The following EXD3 variants were observed in gnomAD, a reference collection of about 807,000 sequenced individuals.
EXD3 encodes the protein exonuclease mut-7 homolog.
Under a neutral mutation model 98.0 loss-of-function variants are expected in EXD3, and 92 were observed. That is an observed-to-expected ratio of 0.94 (90% CI 0.79 to 1.12). The LOEUF (loss-of-function observed/expected upper bound fraction) is 1.12, where lower values mean the gene tolerates loss of function less well. Among genes scored for constraint, EXD3 ranks in the 50% most tolerant of loss-of-function variants. EXD3 has a pLI of 0.00. For missense variants in EXD3, 1,222 were observed against 1,191.6 expected, an observed-to-expected ratio of 1.03 and a Z score of -0.38; for synonymous variants, 569 against 526.0, an observed-to-expected ratio of 1.08 and a Z score of -1.12.
In EXD3 at chr9:137,366,683, C is replaced by T. The variant is rs879017624; in HGVS notation, c.517-51G>A. ...ACAGCCTCCGCCACCTCAGCCAAAA[C>T]CTGACTCACCTCCAACCCAGAGGGA... On this transcript the variant is annotated intron_variant, in intron 6 of 21. Coordinates refer to ENST00000340951, the MANE Select transcript of EXD3 (RefSeq NM_017820.5). 1.0e-5 allele frequency: 16 copies of T among 1,525,978 alleles called. No homozygotes were observed. The South Asian group carries it at 2.0e-4, about 19-fold the overall frequency. 94.5% of individuals were successfully genotyped at this position (1,525,978 alleles called of 1,614,324 possible). A position where few individuals can be genotyped will look rare whatever the true frequency, so the allele number is the denominator to read the frequency against.
chr9:137,378,904 G>A, intron 3 of EXD3, among the ~76,000 whole-genome samples: 1 of 148,754 alleles, frequency 6.7e-6, no homozygotes, highest in South Asian at 2.1e-4. Flanking sequence ...CGTTGCCTGG[G>A]GCCGAGGGGA....
At chr9:137,410,304 G>A (rs1213635786) in intron 1 of EXD3, among the ~76,000 whole-genome samples, 1 of 151,962 alleles carries the variant, frequency 6.6e-6, no homozygotes, top group Non-Finnish European at 1.5e-5. Flanking sequence ...GGCCAACATG[G>A]TGAAATCCCG....
chr9:137,330,099 C>CCACAGGAGCTACACAGGAGCTA (rs760575220), intron 17 of EXD3, among the ~76,000 whole-genome samples: 1 of 92,070 alleles, frequency 1.1e-5, no homozygotes, highest in Non-Finnish European at 2.1e-5. Flanking sequence ...ACACAGGGCT[C>CCACAGGAGCTACACAGGAGCTA]CACAGGAGCT....
intron 19 of EXD3, among the ~76,000 whole-genome samples, chr9:137,318,421 C>T (rs532658486): frequency 1.8e-4 from 27 of 152,256 alleles, no homozygotes; most frequent in South Asian, 4.1e-4. Flanking sequence ...AAGGGGCTGA[C>T]GCCACTGTTT....
chr9:137,327,245 T>C (rs1832465651), intron 17 of EXD3, among the ~76,000 whole-genome samples: 1 of 151,360 alleles, frequency 6.6e-6, no homozygotes, highest in South Asian at 2.1e-4. Context: ...GCCATTCTCC[T>C]GCCTCAGCCT....
At position 137,349,835 on chromosome 9, in the gene EXD3, T is replaced by A. The variant is rs1834164293; in HGVS notation, c.1495-304A>T. Among the ~76,000 whole-genome samples the A allele has an allele frequency of 6.6e-6, 1 of 152,038 alleles. No individual in the cohort carries two copies. Reference sequence around the variant, plus strand: ...CGGGCCCTGAGTCTGTGTGGCCAGCTCTCTGTCTCTGTTTTATCTTCAGAA... The same window carrying A: ...CGGGCCCTGAGTCTGTGTGGCCAGCACTCTGTCTCTGTTTTATCTTCAGAA... On this transcript the variant is annotated intron_variant, in intron 14 of 21. Coordinates refer to ENST00000340951, the MANE Select transcript of EXD3 (RefSeq NM_017820.5). This position sits in a 1 kb window ranked among gnomAD's most constrained non-coding sequence, Gnocchi z 7.4.
intron 1 of EXD3, among the ~76,000 whole-genome samples, chr9:137,399,846 T>TG (rs1458571484): frequency 6.6e-6 from 1 of 152,018 alleles, no homozygotes; most frequent in East Asian, 1.9e-4. Context: ...ATGACCAGCC[T>TG]GCCAACATGG....
chr9:137,328,994 T>G (rs1238078996), intron 17 of EXD3, among the ~76,000 whole-genome samples: 1 of 26,914 alleles, frequency 3.7e-5, no homozygotes, highest in Admixed American at 3.6e-4. Flanking sequence ...TACACGGGGC[T>G]ACACGGGGCT....
Position 137,403,129 on chromosome 9 carries a change from G to A in EXD3, c.-47-7725C>T, listed in dbSNP as rs1188965799. 1.3e-5 allele frequency among the ~76,000 whole-genome samples: 2 copies of A among 151,944 alleles called. No individual in the cohort carries two copies. The highest frequency in any genetic ancestry group is 4.8e-5 in the African/African-American group (2 of 41,388). On this transcript the variant is annotated intron_variant, in intron 1 of 21. Transcript: ENST00000340951. This position sits in a 1 kb window ranked among gnomAD's most constrained non-coding sequence, Gnocchi z 6.1. Reference sequence around the variant, plus strand: ...TGTGGCTCGGCTTGGCTCATTTCCTGCAGGATCCCCGGCGCTGACCCCTCT... The same window carrying A: ...TGTGGCTCGGCTTGGCTCATTTCCTACAGGATCCCCGGCGCTGACCCCTCT...
At chr9:137,335,157 C>T (rs546749897) in intron 17 of EXD3, among the ~76,000 whole-genome samples, 4 of 151,474 alleles carry the variant, frequency 2.6e-5, no homozygotes, top group Admixed American at 6.6e-5. Context: ...ATGCATCTAA[C>T]GAAGAGGTAA....
rs1290274756 is a variant in EXD3 at position 137,354,697 on chromosome 9, A to G, written c.831+3T>C. Reference sequence around the variant, plus strand: ...CCCCCAGGACCCCCTCCTGCTCACGAACCTCCACAAACCGCTTGTGGCACA... The same window carrying G: ...CCCCCAGGACCCCCTCCTGCTCACGGACCTCCACAAACCGCTTGTGGCACA... On this transcript the variant is annotated splice_donor_region_variant and intron_variant, in intron 9 of 21. Coordinates refer to ENST00000340951, the MANE Select transcript of EXD3 (RefSeq NM_017820.5). 1 of 1,610,618 alleles carries G rather than the reference A, an allele frequency of 6.2e-7. No individual in the cohort carries two copies. Among genetic ancestry groups the G allele is most frequent in the South Asian group, 1.1e-5 (1 of 91,088 alleles).
At position 137,356,307 on chromosome 9, in the gene EXD3, G is replaced by A. The variant is rs752660672; in HGVS notation, c.718C>T (p.Gln240Ter). 1.6e-5 allele frequency: 25 copies of A among 1,604,694 alleles called. No individual in the cohort carries two copies. The highest frequency in any genetic ancestry group is 3.3e-4 in the Middle Eastern group (2 of 6,032). The change falls in exon 8 of 22, where the codon CAG becomes TAG. Residue 240 changes from glutamine to a stop codon, truncating the protein, a stop_gained. Coordinates refer to ENST00000340951, the MANE Select transcript of EXD3 (RefSeq NM_017820.5). LOFTEE classifies it high-confidence loss of function. The part of the protein sequence containing the change: ...EKLSPKALSR[Q>*]VLRLQERYGV... ...TACCGCTCCTGCAGACGCAAGACCTGCCTGCTCAGCGCCTTCGGACTCAGC... is the reference window on the plus strand; with the variant it reads ...TACCGCTCCTGCAGACGCAAGACCTACCTGCTCAGCGCCTTCGGACTCAGC...
At chr9:137,409,185 A>AGAG in intron 1 of EXD3, among the ~76,000 whole-genome samples, 1 of 152,254 alleles carries the variant, frequency 6.6e-6, no homozygotes, top group African/African-American at 2.4e-5. Context: ...TGGCTTTATA[A>AGAG]GAGGAGGAGG....
chr9:137,335,941 T>C (rs1833333404), intron 17 of EXD3, among the ~76,000 whole-genome samples: 1 of 152,122 alleles, frequency 6.6e-6, no homozygotes, highest in Non-Finnish European at 1.5e-5. Flanking sequence ...ATATATACCA[T>C]GGAATACTAC....
Position 137,366,583 on chromosome 9 carries a change from T to C in EXD3, c.566A>G (p.Tyr189Cys), listed in dbSNP as rs1835270046. Reference protein sequence around the residue: ...LQDKVALVERYVAGFPDLQRR... With the variant: ...LQDKVALVERCVAGFPDLQRR... ...CTGGAGGTCCGGGAAGCCGGCCACA[T>C]AGCGCTCCACGAGGGCCACCTTGTC... The change falls in exon 7 of 22, where the codon TAT becomes TGT. Residue 189 changes from tyrosine (Y) to cysteine (C), a missense_variant. Coordinates refer to ENST00000340951, the MANE Select transcript of EXD3 (RefSeq NM_017820.5). 1 of 1,554,242 alleles carries C rather than the reference T, an allele frequency of 6.4e-7. No individual in the cohort carries two copies. The highest frequency in any genetic ancestry group is 8.7e-7 in the Non-Finnish European group (1 of 1,149,656).
rs766204370 is a variant in EXD3 at position 137,383,302 on chromosome 9, C to T, written c.120+11G>A. On this transcript the variant is annotated intron_variant, in intron 3 of 21. Transcript: ENST00000340951. The stretch of plus-strand genomic sequence containing the variant: ...GTGACTTGGCACGTGGTGGCTGCCA[C>T]GTCCACTCACCTGCTTCCGCTCCCG... 1.3e-5 allele frequency: 20 copies of T among 1,547,868 alleles called. No homozygotes were observed. The East Asian group carries it at 2.2e-4, about 17-fold the overall frequency.
In EXD3 at chr9:137,349,350, C is replaced by T; in HGVS notation, c.1657+19G>A. ...GAGGGGCGTGAGGAGGGGTCACTCC[C>T]ACCCGCCGCACCGCACACCTGCGTA... is the stretch of plus-strand genomic sequence containing the variant. On this transcript the variant is annotated intron_variant, in intron 15 of 21. Coordinates refer to ENST00000340951, the MANE Select transcript of EXD3 (RefSeq NM_017820.5). This position sits in a 1 kb window ranked among gnomAD's most constrained non-coding sequence, Gnocchi z 7.4. 1.3e-6 allele frequency: 2 copies of T among 1,560,632 alleles called. No individual in the cohort carries two copies. The highest frequency in any genetic ancestry group is 8.6e-7 in the Non-Finnish European group (1 of 1,158,500).
At chr9:137,332,049 A>G (rs1833092256) in intron 17 of EXD3, among the ~76,000 whole-genome samples, 1 of 152,252 alleles carries the variant, frequency 6.6e-6, no homozygotes, top group Admixed American at 6.5e-5. Flanking sequence ...GAAAGACTCT[A>G]CAAGGAGAAC....
intron 3 of EXD3, among the ~76,000 whole-genome samples, chr9:137,381,590 C>G (rs1836273635): frequency 6.6e-6 from 1 of 152,148 alleles, no homozygotes; most frequent in Non-Finnish European, 1.5e-5. Flanking sequence ...AGGCTGCTCT[C>G]ACCCGCCCGG....
Sources: allele counts gnomAD v4.1 joint callset (sites outside exome capture counted in the v4.1 genomes callset), GRCh38; gene constraint gnomAD v4.1.1; non-coding constraint Gnocchi (gnomAD v3.1); transcripts MANE v1.5; gene names NCBI Gene and HGNC (gene_info 2026-07-23, HGNC 2026-07-21).